Variants in SMIM7 observed in about 807,000 individuals in gnomAD.
SMIM7 encodes the protein UPF0608 protein C19orf42.
A neutral mutation model predicts 13.3 loss-of-function variants in SMIM7; 12 were observed. The observed-to-expected ratio is 0.90, with a 90% CI of 0.58 to 1.46. SMIM7 has a LOEUF of 1.46. Among genes scored for constraint, SMIM7 ranks in the 40% most tolerant of loss-of-function variants. The probability of loss-of-function intolerance (pLI) is 0.00; values close to 1 mark genes in which losing one functional copy is unlikely to be tolerated. For missense variants in SMIM7, 114 were observed against 94.8 expected (o/e 1.20, Z -0.84); for synonymous variants, 36 against 35.8 (o/e 1.01, Z -0.02).
At chr19:16,656,177 C>A (rs187689284) in intron 3 of SMIM7, among the ~76,000 whole-genome samples, 5 of 151,658 alleles carry the variant, frequency 3.3e-5, no homozygotes, top group African/African-American at 1.2e-4. Flanking sequence ...CCTGAGGTCG[C>A]GAGTTTGAGA....
At chr19:16,638,379 C>T (rs1417592279) in intron 4 of SMIM7, among the ~76,000 whole-genome samples, 1 of 149,202 alleles carries the variant, frequency 6.7e-6, no homozygotes, top group Non-Finnish European at 1.5e-5. Flanking sequence ...TCTCGGCTCA[C>T]TGCAACCCCT....
At chr19:16,645,577 T>C (rs1045428143), downstream of SMIM7, 2 of 151,980 alleles carry the variant, frequency 1.3e-5, no homozygotes, top group African/African-American at 4.8e-5. Flanking sequence ...GACTTGACCC[T>C]GGTCTAGCAA....
At chr19:16,632,675 T>C (rs182074834) in intron 4 of SMIM7, among the ~76,000 whole-genome samples, 1 of 151,938 alleles carries the variant, frequency 6.6e-6, no homozygotes, top group Non-Finnish European at 1.5e-5. Flanking sequence ...GGAATTACAG[T>C]TGCATGCCAC....
intron 4 of SMIM7, among the ~76,000 whole-genome samples, chr19:16,635,899 A>AAAAAAAAAAAAAAAATATATAT (rs1200181092): frequency 9.1e-6 from 1 of 109,600 alleles, no homozygotes; most frequent in Non-Finnish European, 1.7e-5. Context: ...AAAAAAAAAA[A>AAAAAAAAAAAAAAAATATATAT]ATATATATAT....
chr19:16,630,870 T>C (rs1481981517), exon 5 of SMIM7: 1 of 152,208 alleles, frequency 6.6e-6, no homozygotes, highest in Non-Finnish European at 1.5e-5. Flanking sequence ...AGGTCCAGGG[T>C]AGATACTGCA....
downstream of SMIM7, chr19:16,645,660 CTTTTTTTT>C (rs765167098): frequency 4.0e-4 from 39 of 97,300 alleles, no homozygotes; most frequent in African/African-American, 2.0e-3. Flanking sequence ...TTACTCAATT[CTTTTTTTT>C]TTTTTTTTTT....
chr19:16,652,687 G>C (rs568226262), intron 4 of SMIM7: 1 of 1,421,838 alleles, frequency 7.0e-7, no homozygotes, highest in East Asian at 2.6e-5. Flanking sequence ...CCTATGTCCT[G>C]GAAGCATCTT....
intron 4 of SMIM7, chr19:16,638,857 C>T (rs1224024545): frequency 1.3e-5 from 2 of 152,182 alleles, no homozygotes; most frequent in African/African-American, 2.4e-5. Flanking sequence ...CAGATGAGGA[C>T]GTGGAGGTGC....
downstream of SMIM7, chr19:16,643,834 C>T (rs553937153): frequency 3.3e-4 from 51 of 152,346 alleles, no homozygotes; most frequent in African/African-American, 1.2e-3. Flanking sequence ...ATGAAGATCA[C>T]AACACTGGTG....
exon 5 of SMIM7, chr19:16,631,582 C>T (rs1248400438): frequency 2.6e-5 from 4 of 151,992 alleles, no homozygotes; most frequent in South Asian, 4.2e-4. Context: ...AAGCAGGAAC[C>T]GGGATATTCA....
chr19:16,648,173 C>T (rs1293729097), intron 4 of SMIM7, among the ~76,000 whole-genome samples: 1 of 152,124 alleles, frequency 6.6e-6, no homozygotes, highest in Admixed American at 6.6e-5. Context: ...TGGACTCTCA[C>T]TCTGTTGCTC....
rs2279448 is a variant in SMIM7 at position 16,646,735 on chromosome 19, T to C, written c.*511A>G. ...TATACAGGAAGGCTGGTGTCTCTGT[T>C]ACAGGTGGCCCGTTCCTTAAAGCCT... On this transcript the variant is annotated 3_prime_UTR_variant, in exon 5 of 5. Transcript: ENST00000487416. 4,686 of 165,138 alleles carry C rather than the reference T, an allele frequency of 0.028. 184 individuals are homozygous for C. Among genetic ancestry groups the C allele is most frequent in the Admixed American group, 0.092 (1,560 of 16,988 alleles). 10.2% of individuals were successfully genotyped at this position (165,138 alleles called of 1,614,324 possible).
chr19:16,654,919 G>A (rs2086576716), intron 3 of SMIM7, among the ~76,000 whole-genome samples: 2 of 152,040 alleles, frequency 1.3e-5, no homozygotes, highest in South Asian at 4.1e-4. Context: ...GCCCTCTACA[G>A]AAAAACATGC....
At chr19:16,636,026 G>A (rs1407709684) in intron 4 of SMIM7, among the ~76,000 whole-genome samples, 1 of 151,332 alleles carries the variant, frequency 6.6e-6, no homozygotes, top group Non-Finnish European at 1.5e-5. Flanking sequence ...TCATGGCAAG[G>A]GATAATTAAG....
downstream of SMIM7, among the ~76,000 whole-genome samples, chr19:16,642,300 G>A (rs374395701): frequency 1.3e-5 from 2 of 152,216 alleles, no homozygotes; most frequent in East Asian, 3.8e-4. Flanking sequence ...GCTCATGCCT[G>A]TAATCCCAGC....
chr19:16,656,909 A>C (rs1045123920), intron 3 of SMIM7, among the ~76,000 whole-genome samples: 7 of 151,890 alleles, frequency 4.6e-5, no homozygotes, highest in Admixed American at 6.6e-5. Flanking sequence ...AAAAAAAAAA[A>C]CAACAAAAAA....
At chr19:16,659,327 A>C in intron 3 of SMIM7, 68 bp downstream of exon 3, 1 of 1,220,954 alleles carries the variant, frequency 8.2e-7, no homozygotes, top group Non-Finnish European at 1.2e-6. Flanking sequence ...AAACGAAGGT[A>C]GGGCTTGGCG....
At chr19:16,655,605 T>G (rs1262955716) in intron 3 of SMIM7, among the ~76,000 whole-genome samples, 1 of 134,780 alleles carries the variant, frequency 7.4e-6, no homozygotes. Flanking sequence ...CACTTGAACC[T>G]GGGAGGCAGA....
intron 4 of SMIM7, 177 bp downstream of exon 4, chr19:16,653,858 G>A: frequency 1.7e-6 from 1 of 605,898 alleles, no homozygotes. Context: ...TCGCACCACT[G>A]CACTCCAGTT....
Sources: gnomAD v4.1 joint callset for allele counts (sites outside exome capture counted in the v4.1 genomes callset) on GRCh38, gnomAD v4.1.1 for gene constraint, MANE v1.5 for transcripts, NCBI Gene and HGNC (gene_info 2026-07-23, HGNC 2026-07-21) for gene names.